Variants in RGS22 observed in about 807,000 individuals in gnomAD.
The protein encoded by RGS22 is regulator of G protein signaling 22, also known as regulator of G-protein signaling 22.
A neutral mutation model predicts 172.9 loss-of-function variants in RGS22; 148 were observed. That is an observed-to-expected ratio of 0.86 (90% confidence interval 0.75 to 0.98). The LOEUF is 0.98. RGS22 is among the 50% of genes least tolerant of loss of function. The pLI is 0.00. For missense variants in RGS22, 1,347 were observed against 1,440.8 expected, an observed-to-expected ratio of 0.93 and a Z score of 1.05; for synonymous variants, 458 against 480.2, an observed-to-expected ratio of 0.95 and a Z score of 0.60.
intron 16 of RGS22, among the ~76,000 whole-genome samples, chr8:100,005,103 C>A (rs939171232): frequency 6.6e-6 from 1 of 151,952 alleles, no homozygotes; most frequent in South Asian, 2.1e-4. Context: ...GTTTACAATA[C>A]AACCTTATAT....
intron 4 of RGS22, among the ~76,000 whole-genome samples, chr8:100,076,103 AT>A (rs1811329098): frequency 6.6e-6 from 1 of 151,978 alleles, no homozygotes. Context: ...TTTAAGAGTT[AT>A]TTTTATAGTT....
chr8:100,038,861 G>A, intron 14 of RGS22, 70 bp downstream of exon 14: 1 of 919,210 alleles, frequency 1.1e-6, no homozygotes, highest in Non-Finnish European at 1.6e-6. Flanking sequence ...TCTCGTTTGG[G>A]ACTGGACACA....
intron 13 of RGS22, among the ~76,000 whole-genome samples, chr8:100,039,755 C>T (rs559422148): frequency 6.6e-6 from 1 of 151,682 alleles, no homozygotes; most frequent in Non-Finnish European, 1.5e-5. Context: ...AATGTTGCCA[C>T]TATTCAATGT....
chr8:100,093,585 G>A, intron 2 of RGS22, 76 bp from the exon 3 acceptor site: 1 of 979,096 alleles, frequency 1.0e-6, no homozygotes, highest in Middle Eastern at 2.3e-4. Context: ...CTCTATTTCT[G>A]CTACGAATTT....
intron 9 of RGS22, 43 bp from the exon 10 acceptor site, chr8:100,053,019 A>T (rs1225109546): frequency 6.4e-7 from 1 of 1,560,886 alleles, no homozygotes; most frequent in Admixed American, 1.7e-5. Context: ...CTAAACAACA[A>T]GCCTCAAAAA....
intron 4 of RGS22, among the ~76,000 whole-genome samples, chr8:100,072,511 T>G (rs1188746551): frequency 6.6e-6 from 1 of 152,024 alleles, no homozygotes; most frequent in African/African-American, 2.4e-5. Context: ...AAGTAACTTG[T>G]TGAAGGAGGG....
intron 3 of RGS22, among the ~76,000 whole-genome samples, chr8:100,086,301 G>A (rs1288741587): frequency 1.3e-5 from 2 of 152,046 alleles, no homozygotes; most frequent in Non-Finnish European, 2.9e-5. Context: ...TGGAGAGAAA[G>A]GATGAATTCG....
chr8:100,101,244 A>G (rs751459869), intron 2 of RGS22, among the ~76,000 whole-genome samples: 1 of 151,870 alleles, frequency 6.6e-6, no homozygotes, highest in Non-Finnish European at 1.5e-5. Flanking sequence ...TGTACCTTAC[A>G]CCTTACTTTA....
intron 3 of RGS22, among the ~76,000 whole-genome samples, chr8:100,085,908 T>C (rs998165733): frequency 2.0e-5 from 3 of 152,222 alleles, no homozygotes; most frequent in African/African-American, 7.2e-5. Context: ...AGAATGGATG[T>C]ATATTGAACT....
intron 21 of RGS22, among the ~76,000 whole-genome samples, chr8:99,986,501 C>T (rs1473840367): frequency 6.6e-6 from 1 of 152,144 alleles, no homozygotes; most frequent in Non-Finnish European, 1.5e-5. Flanking sequence ...AGGAAATGAG[C>T]CTGCTACCTC....
chr8:100,097,349 ATAT>A (rs762393999), intron 2 of RGS22, among the ~76,000 whole-genome samples: 7 of 152,336 alleles, frequency 4.6e-5, no homozygotes, highest in African/African-American at 9.6e-5. Flanking sequence ...CTAATATTGA[ATAT>A]TATTAATAGT....
chr8:100,066,415 T>TTA, intron 6 of RGS22, 119 bp from the exon 7 acceptor site: 3 of 722,192 alleles, frequency 4.2e-6, no homozygotes, highest in Non-Finnish European at 2.1e-6. Flanking sequence ...AAAGTGAAAA[T>TTA]TATCTCATGA....
chr8:100,067,781 T>G (rs1408771253), intron 6 of RGS22, among the ~76,000 whole-genome samples: 1 of 151,656 alleles, frequency 6.6e-6, no homozygotes, highest in African/African-American at 2.4e-5. Flanking sequence ...CCCACCACCA[T>G]GCCTGGCTAA....
At chr8:100,074,730 C>A (rs1280881732) in intron 4 of RGS22, among the ~76,000 whole-genome samples, 1 of 151,872 alleles carries the variant, frequency 6.6e-6, no homozygotes, top group Non-Finnish European at 1.5e-5. Context: ...TAGACGTTTA[C>A]ATGCAGGGTT....
chr8:100,088,599 T>C (rs1310483061), intron 3 of RGS22, among the ~76,000 whole-genome samples: 1 of 152,150 alleles, frequency 6.6e-6, no homozygotes, highest in Non-Finnish European at 1.5e-5. Context: ...TTATGAAAGC[T>C]AGGATTTGGA....
intron 14 of RGS22, among the ~76,000 whole-genome samples, chr8:100,027,393 T>C (rs1818298158): frequency 6.6e-6 from 1 of 152,214 alleles, no homozygotes; most frequent in Non-Finnish European, 1.5e-5. Flanking sequence ...ATAGCAGGCT[T>C]CTCAGTGAAT....
At chr8:100,001,514 G>GTT (rs1563598297) in intron 18 of RGS22, among the ~76,000 whole-genome samples, 1 of 151,928 alleles carries the variant, frequency 6.6e-6, no homozygotes, top group African/African-American at 2.4e-5. Flanking sequence ...GATTACAGGC[G>GTT]TAAGCCACCA....
At chr8:100,002,934 C>T (rs1273201868) in intron 17 of RGS22, 1 of 153,966 alleles carries the variant, frequency 6.5e-6, no homozygotes, top group African/African-American at 2.4e-5. Context: ...GTGGCACATG[C>T]CTGTAATTCC....
In RGS22 at chr8:100,060,402, G is replaced by GTATATATATA. The variant is rs72050805; in HGVS notation, c.1514+2179_1514+2188dup. Among the ~76,000 whole-genome samples the GTATATATATA allele has an allele frequency of 5.3e-4, 55 of 102,978 alleles. 1 individual carries two copies. The highest frequency in any genetic ancestry group is 4.5e-3 in the South Asian group (14 of 3,136). The allele number at this position is 102,978 out of a possible 152,430, so 67.6% of individuals were successfully genotyped here. ...GATAAATCTGCAACTTTAGCTACGT[G>GTATATATATA]TATATATATATATATATATACACAC... On this transcript the variant is annotated intron_variant, in intron 9 of 27. Transcript: ENST00000360863.
Sources: allele counts gnomAD v4.1 joint callset (sites outside exome capture counted in the v4.1 genomes callset), GRCh38; gene constraint gnomAD v4.1.1; transcripts MANE v1.5; gene names NCBI Gene and HGNC (gene_info 2026-07-23, HGNC 2026-07-21).